The following MCC variants were observed in gnomAD, a reference collection of about 807,000 sequenced individuals.
The protein encoded by MCC is MCC regulator of Wnt signaling pathway.
MCC carries 90 observed loss-of-function variants against 116.2 expected under a neutral mutation model. The ratio of observed to expected loss-of-function variants is 0.77; its 90% CI spans 0.65 to 0.92. The LOEUF (loss-of-function observed/expected upper bound fraction) is 0.92, where lower values mean the gene tolerates loss of function less well. Among genes scored for constraint, MCC ranks in the 40% least tolerant of loss-of-function variants. MCC has a pLI of 0.00. For synonymous variants in MCC, 578 were observed against 510.5 expected, an observed-to-expected ratio of 1.13 and a Z score of -1.78; for missense variants, 1,516 against 1,312.2, an observed-to-expected ratio of 1.16 and a Z score of -2.40.
At chr5:113,166,705 T>TA (rs1210505602) in intron 3 of MCC, among the ~76,000 whole-genome samples, 10,280 of 122,348 alleles carry the variant, frequency 0.084, 532 homozygotes, top group African/African-American at 0.13. Flanking sequence ...ATCATTTATT[T>TA]AAAAAAAAAA....
intron 3 of MCC, among the ~76,000 whole-genome samples, chr5:113,284,057 C>T (rs1013202757): frequency 2.0e-5 from 3 of 152,172 alleles, no homozygotes; most frequent in Non-Finnish European, 4.4e-5. Context: ...ATACATGTAT[C>T]ATATAAAATG....
intron 1 of MCC, among the ~76,000 whole-genome samples, chr5:113,482,327 A>T (rs1389391789): frequency 1.3e-5 from 2 of 152,190 alleles, no homozygotes; most frequent in African/African-American, 4.8e-5. Flanking sequence ...GTTTTAGAGG[A>T]ATTGCTAGAC....
intron 5 of MCC, among the ~76,000 whole-genome samples, chr5:113,137,702 T>C (rs553495558): frequency 6.6e-6 from 1 of 152,270 alleles, no homozygotes; most frequent in Non-Finnish European, 1.5e-5. Context: ...GGTATCAGGG[T>C]AACAGAAGCA....
intron 3 of MCC, among the ~76,000 whole-genome samples, chr5:113,229,432 T>G (rs1763860748): frequency 6.6e-6 from 1 of 152,194 alleles, no homozygotes; most frequent in Non-Finnish European, 1.5e-5. Flanking sequence ...CTGTGAAATA[T>G]CAGTGATTTC....
chr5:113,273,759 T>A (rs969433707), intron 3 of MCC, among the ~76,000 whole-genome samples: 3 of 152,036 alleles, frequency 2.0e-5, no homozygotes, highest in Non-Finnish European at 2.9e-5. Flanking sequence ...CAATTAACAC[T>A]AGGCAAATGG....
At chr5:113,037,394 G>C (rs942383522) in intron 17 of MCC, among the ~76,000 whole-genome samples, 1 of 152,162 alleles carries the variant, frequency 6.6e-6, no homozygotes, top group Non-Finnish European at 1.5e-5. Flanking sequence ...GGCCACTGAT[G>C]GGTAAAGAGT....
At chr5:113,440,033 G>A (rs1293635975) in intron 1 of MCC, among the ~76,000 whole-genome samples, 6 of 152,088 alleles carry the variant, frequency 3.9e-5, no homozygotes, top group Admixed American at 6.5e-5. Flanking sequence ...AAAGTATTGG[G>A]ATTACAGGCT....
At chr5:113,161,407 A>T (rs1391914219) in intron 3 of MCC, among the ~76,000 whole-genome samples, 5 of 152,250 alleles carry the variant, frequency 3.3e-5, no homozygotes, top group Non-Finnish European at 7.3e-5. Context: ...AATTGTTCAT[A>T]AATTTTTATA....
chr5:113,449,155 C>T (rs532209433), intron 1 of MCC, among the ~76,000 whole-genome samples: 37 of 152,264 alleles, frequency 2.4e-4, no homozygotes, highest in African/African-American at 7.9e-4. Flanking sequence ...TGCAAATATC[C>T]TTGGGTCAGA....
chr5:113,352,297 A>G (rs1768289961), intron 2 of MCC, among the ~76,000 whole-genome samples: 7 of 152,202 alleles, frequency 4.6e-5, no homozygotes, highest in Admixed American at 3.9e-4. Flanking sequence ...CCTTTGAAGC[A>G]TGATGGTACC....
At chr5:113,459,187 TGG>T (rs11346570) in intron 1 of MCC, among the ~76,000 whole-genome samples, 2,453 of 82,274 alleles carry the variant, frequency 0.03, 101 homozygotes, top group African/African-American at 0.086. Context: ...GTGAAGTGGG[TGG>T]GGGGGGGAGA....
intron 3 of MCC, among the ~76,000 whole-genome samples, chr5:113,287,338 C>T: frequency 6.6e-6 from 1 of 150,838 alleles, no homozygotes; most frequent in Non-Finnish European, 1.5e-5. Flanking sequence ...TCAACAACTT[C>T]TTTTTTTTGA....
chr5:113,416,479 A>G (rs986049432), intron 1 of MCC, among the ~76,000 whole-genome samples: 3 of 152,192 alleles, frequency 2.0e-5, no homozygotes, highest in Non-Finnish European at 4.4e-5. Context: ...TGGCAGCTAT[A>G]TATGTATTGA....
At chr5:113,083,990 A>C in intron 10 of MCC, 111 bp downstream of exon 10, 1 of 786,572 alleles carries the variant, frequency 1.3e-6, no homozygotes. Flanking sequence ...TTACTATTAT[A>C]ACTAACTGGT....
At chr5:113,217,721 G>A (rs899705226) in intron 3 of MCC, among the ~76,000 whole-genome samples, 1 of 151,916 alleles carries the variant, frequency 6.6e-6, no homozygotes, top group African/African-American at 2.4e-5. Flanking sequence ...TGCATGACAT[G>A]ACTATGACGG....
chr5:113,071,015 T>C, intron 12 of MCC, 79 bp downstream of exon 12: 1 of 1,509,686 alleles, frequency 6.6e-7, no homozygotes. Flanking sequence ...TAAAAGCCTA[T>C]TTCCTACTTT....
chr5:113,075,057 G>A (rs1754325710), intron 11 of MCC, among the ~76,000 whole-genome samples: 1 of 152,162 alleles, frequency 6.6e-6, no homozygotes, highest in South Asian at 2.1e-4. Flanking sequence ...AAGTGTGGAG[G>A]GAGAGGTGCG....
intron 1 of MCC, among the ~76,000 whole-genome samples, chr5:113,425,446 A>C (rs1346370568): frequency 6.6e-6 from 1 of 152,224 alleles, no homozygotes; most frequent in African/African-American, 2.4e-5. Flanking sequence ...GCTTGGGTGC[A>C]TATAACCAAT....
chr5:113,210,671 C>G (rs969633452), intron 3 of MCC, among the ~76,000 whole-genome samples: 7 of 152,232 alleles, frequency 4.6e-5, no homozygotes, highest in Middle Eastern at 6.8e-3. Context: ...AAGGAGAATC[C>G]AAGGTTCATG....
Sources: gnomAD v4.1 joint callset for allele counts (sites outside exome capture counted in the v4.1 genomes callset) on GRCh38, gnomAD v4.1.1 for gene constraint, MANE v1.5 for transcripts, NCBI Gene and HGNC (gene_info 2026-07-23, HGNC 2026-07-21) for gene names.